The following ARSF variants were observed in gnomAD, a reference collection of about 807,000 sequenced individuals.
ARSF encodes the protein arylsulfatase F.
ARSF carries 33 observed loss-of-function variants against 35.4 expected under a neutral mutation model. That is an observed-to-expected ratio of 0.93 (90% CI 0.71 to 1.25). The LOEUF is 1.25. Among genes scored for constraint, ARSF ranks in the 50% most tolerant of loss-of-function variants. The pLI, the probability that ARSF is intolerant of heterozygous loss-of-function variation, is 0.00. For missense variants in ARSF, 501 were observed against 480.2 expected (o/e 1.04, Z -0.40); for synonymous variants, 222 against 193.1 (o/e 1.15, Z -1.24).
At chrX:3,109,277 C>G (rs2090429015) in intron 9 of ARSF, among the ~76,000 whole-genome samples, 1 of 105,798 alleles carries the variant, frequency 9.5e-6, no homozygotes, top group South Asian at 3.9e-4. Context: ...AGAGATCACA[C>G]CACTGCCCCT....
At chrX:3,040,304 G>A (rs1411267405), upstream of ARSF, among the ~76,000 whole-genome samples, 5 of 111,485 alleles carry the variant, frequency 4.5e-5, no homozygotes, top group Non-Finnish European at 7.5e-5. Context: ...GCCATTGGAA[G>A]CCCTCCCTGG....
chrX:3,106,175 A>C (rs746950033), intron 9 of ARSF, among the ~76,000 whole-genome samples: 9 of 112,396 alleles, frequency 8.0e-5, no homozygotes, highest in Admixed American at 6.6e-4. Flanking sequence ...CCATAGGCTA[A>C]GTCTTCAGAG....
intron 7 of ARSF, among the ~76,000 whole-genome samples, chrX:3,094,644 G>T (rs1266928029): frequency 9.0e-6 from 1 of 111,368 alleles, no homozygotes; most frequent in East Asian, 2.8e-4. Flanking sequence ...AGCAGGAGAT[G>T]AGACAAGGAT....
intron 9 of ARSF, 114 bp downstream of exon 9, chrX:3,104,038 T>A: frequency 1.3e-6 from 1 of 755,061 alleles, no homozygotes; most frequent in Non-Finnish European, 1.9e-6. Flanking sequence ...CCCTAGTATC[T>A]ACACAGTTTT....
At chrX:3,058,571 G>A (rs2090028230) in intron 1 of ARSF, 2 of 317,500 alleles carry the variant, frequency 6.3e-6, no homozygotes, top group South Asian at 2.8e-5. Flanking sequence ...AGTAAATCTA[G>A]GCTGGGCATG....
At chrX:3,081,216 C>T (rs931050018) in intron 5 of ARSF, among the ~76,000 whole-genome samples, 2 of 111,850 alleles carry the variant, frequency 1.8e-5, no homozygotes, top group Admixed American at 1.9e-4. Flanking sequence ...CCAGCCTGGG[C>T]AACATAGAAA....
intron 1 of ARSF, among the ~76,000 whole-genome samples, chrX:3,056,746 A>G (rs146459971): frequency 0.012 from 1,357 of 111,225 alleles, 22 homozygotes; most frequent in African/African-American, 0.041. Context: ...GTTTCACTCA[A>G]TTTTCTTGTA....
chrX:3,068,165 T>G, intron 2 of ARSF, 54 bp downstream of exon 2: 1 of 1,096,777 alleles, frequency 9.1e-7, no homozygotes, highest in Non-Finnish European at 1.2e-6. Flanking sequence ...TGTATAATTC[T>G]GTGTATTTGT....
chrX:3,076,892 T>A lies in ARSF; in HGVS notation c.283+223T>A, dbSNP rs112170668. 3.4e-3 allele frequency among the ~76,000 whole-genome samples: 376 copies of A among 111,388 alleles called. 1 individual carries two copies. Among genetic ancestry groups the A allele is most frequent in the African/African-American group, 0.011 (351 of 30,719 alleles). ...AGACCCCATCTCCACAAAATTTTTT[T>A]AAAATAAGTTGAGCATGGTGGCATG... On this transcript the variant is annotated intron_variant, in intron 4 of 10. Coordinates refer to ENST00000381127, the MANE Select transcript of ARSF (RefSeq NM_001201539.2).
At chrX:3,041,214 C>A (rs1012520805), upstream of ARSF, among the ~76,000 whole-genome samples, 5 of 110,838 alleles carry the variant, frequency 4.5e-5, no homozygotes, top group African/African-American at 1.6e-4. Flanking sequence ...CCAATCAGTT[C>A]CTAAGTCCTC....
At chrX:3,058,684 C>T (rs1438342855) in intron 1 of ARSF, 1 of 299,545 alleles carries the variant, frequency 3.3e-6, no homozygotes, top group Non-Finnish European at 6.4e-6. Flanking sequence ...GAGACCTTGT[C>T]TCTACAAAAA....
intron 7 of ARSF, among the ~76,000 whole-genome samples, chrX:3,096,500 T>C (rs2090339015): frequency 9.0e-6 from 1 of 111,450 alleles, no homozygotes; most frequent in Non-Finnish European, 1.9e-5. Flanking sequence ...GTGGTCATTA[T>C]AGAGGTGATG....
chrX:3,087,023 T>C (rs891399015), intron 6 of ARSF, among the ~76,000 whole-genome samples: 10 of 111,390 alleles, frequency 9.0e-5, no homozygotes, highest in Admixed American at 1.9e-4. Flanking sequence ...CTTTAGCTTG[T>C]AGGGTTTTGT....
chrX:3,066,847 C>T (rs1329921899), intron 1 of ARSF: 2 of 108,895 alleles, frequency 1.8e-5, no homozygotes, highest in Non-Finnish European at 3.8e-5. Flanking sequence ...TGCTCCTAGA[C>T]ATTAGAGAGA....
chrX:3,062,846 T>C (rs1446585085), intron 1 of ARSF, among the ~76,000 whole-genome samples: 1 of 111,316 alleles, frequency 9.0e-6, no homozygotes, highest in Non-Finnish European at 1.9e-5. Flanking sequence ...CAGGACCAGA[T>C]GGATTCACAG....
chrX:3,107,177 A>C (rs1161327717), intron 9 of ARSF, among the ~76,000 whole-genome samples: 1 of 112,070 alleles, frequency 8.9e-6, no homozygotes, highest in Non-Finnish European at 1.9e-5. Context: ...ATGTAAACCC[A>C]AAATTATAAC....
rs146437914 is a variant in ARSF, at chrX:3,082,965, T to G, written c.407-1278T>G. On this transcript the variant is annotated intron_variant, in intron 5 of 10. Transcript: ENST00000381127. ...TTATTTGAATCTGTCCTATCCTATC[T>G]TATCTATTTATCTATCTATCCATCT... 8.5e-3 allele frequency among the ~76,000 whole-genome samples: 874 copies of G among 103,224 alleles called. 11 individuals carry two copies. The highest frequency in any genetic ancestry group is 0.029 in the African/African-American group (821 of 28,398). 89.6% of individuals were successfully genotyped at this position (103,224 alleles called of 115,157 possible).
chrX:3,110,175 G>A lies in ARSF; in HGVS notation c.1313G>A (p.Arg438Lys). 1.7e-6 allele frequency: 2 copies of A among 1,204,442 alleles called. No homozygotes were observed. Among genetic ancestry groups the A allele is most frequent in the Non-Finnish European group, 1.1e-6 (1 of 891,424 alleles). ...ATGCCCTTGCTGCAGGGCAACGTCA[G>A]GCACTCGGAGCATGAATTTCTTTTC... ...DLMPLLQGNV[R>K]HSEHEFLFHY... The change falls in exon 10 of 11, where the codon AGG becomes AAG. Residue 438 changes from arginine (R) to lysine (K), a missense_variant. Physicochemically the swap from Arg to Lys is conservative, Grantham distance 26. Transcript: ENST00000381127.
Position 3,072,101 on chromosome X carries a change from G to A in ARSF, c.87G>A (p.Lys29=). Residue 29 remains lysine (K), a synonymous_variant, in exon 3 of 11, where the codon AAG becomes AAA. Transcript: ENST00000381127. ...AGGCACACAGGGTGCATGACGACAA[G>A]CCTAATATTGTCCTAATCATGGTTG... The part of the protein sequence containing the change: ...TCQAHRVHDD[K]PNIVLIMVDD... 2.5e-6 allele frequency: 3 copies of A among 1,202,529 alleles called. No individual in the cohort carries two copies. The highest frequency in any genetic ancestry group is 3.4e-6 in the Non-Finnish European group (3 of 893,640).
Sources: gnomAD v4.1 joint callset for allele counts (sites outside exome capture counted in the v4.1 genomes callset) on GRCh38, gnomAD v4.1.1 for gene constraint, MANE v1.5 for transcripts, NCBI Gene and HGNC (gene_info 2026-07-23, HGNC 2026-07-21) for gene names.